COL26A1: variants seen among roughly 807,000 people sequenced by gnomAD.
COL26A1 encodes collagen type XXVI alpha 1 chain, also known as collagen alpha-1(XXVI) chain.
In COL26A1, 41 loss-of-function variants were observed where a neutral mutation model predicts 59.3. The observed-to-expected ratio is 0.69, with a 90% CI of 0.54 to 0.90. The LOEUF is 0.90. COL26A1 is among the 40% of genes least tolerant of loss of function. The probability of loss-of-function intolerance (pLI) is 0.00; values close to 1 mark genes in which losing one functional copy is unlikely to be tolerated. For missense variants in COL26A1, 612 were observed against 602.3 expected (o/e 1.02, Z -0.17); for synonymous variants, 266 against 256.0 (o/e 1.04, Z -0.37).
intron 2 of COL26A1, among the ~76,000 whole-genome samples, chr7:101,446,863 AAG>A (rs113417824): frequency 2.0e-5 from 3 of 151,358 alleles, no homozygotes; most frequent in South Asian, 4.2e-4. Flanking sequence ...AAAAAAAAAA[AAG>A]AGAGAGAGAG....
intron 3 of COL26A1, among the ~76,000 whole-genome samples, chr7:101,488,375 TATAC>T (rs759428441): frequency 0.19 from 16,730 of 86,914 alleles, 1,100 homozygotes; most frequent in African/African-American, 0.29. Flanking sequence ...TATATATATA[TATAC>T]ACACACATTT....
At chr7:101,551,028 C>A (rs1211580393) in intron 9 of COL26A1, 80 bp from the exon 10 acceptor site, 9 of 1,424,396 alleles carry the variant, frequency 6.3e-6, no homozygotes, top group African/African-American at 1.4e-5. Context: ...GCACAGTGGG[C>A]GGGGAGGGGG....
chr7:101,443,876 T>C (rs892478274), intron 2 of COL26A1, among the ~76,000 whole-genome samples: 2 of 149,750 alleles, frequency 1.3e-5, no homozygotes, highest in African/African-American at 2.5e-5. Context: ...TCTTTTCTTT[T>C]TTTTTTTTTT....
intron 1 of COL26A1, among the ~76,000 whole-genome samples, chr7:101,384,980 C>T (rs1257118050): frequency 3.3e-5 from 5 of 152,180 alleles, no homozygotes; most frequent in Admixed American, 6.5e-5. Context: ...CAGGAAGCTT[C>T]CAGCACGGGA....
intron 2 of COL26A1, among the ~76,000 whole-genome samples, chr7:101,427,341 G>A (rs1270383649): frequency 2.0e-5 from 3 of 152,136 alleles, no homozygotes; most frequent in Non-Finnish European, 4.4e-5. Context: ...GGGACTACAG[G>A]TGTGTGCCAC....
At chr7:101,410,122 T>C (rs921651643) in intron 1 of COL26A1, among the ~76,000 whole-genome samples, 1 of 151,942 alleles carries the variant, frequency 6.6e-6, no homozygotes, top group Non-Finnish European at 1.5e-5. Context: ...TGCTACTGAT[T>C]GGTTGGGCAT....
At chr7:101,510,027 C>T (rs866380878) in intron 3 of COL26A1, among the ~76,000 whole-genome samples, 17 of 122,296 alleles carry the variant, frequency 1.4e-4, no homozygotes, top group African/African-American at 6.5e-4. Context: ...CGCGCCCAGT[C>T]TTTTTTTTTT....
intron 1 of COL26A1, among the ~76,000 whole-genome samples, chr7:101,375,841 C>T (rs1791301707): frequency 6.6e-6 from 1 of 151,546 alleles, no homozygotes; most frequent in South Asian, 2.1e-4. Context: ...AAAAAATTGG[C>T]TGGGTGTGGT....
chr7:101,555,784 C>T lies in COL26A1; in HGVS notation c.1081-3C>T. On this transcript the variant is annotated splice_polypyrimidine_tract_variant and splice_region_variant and intron_variant, in intron 11 of 12. Coordinates refer to ENST00000313669, the MANE Select transcript of COL26A1 (RefSeq NM_001278563.3). Reference sequence around the variant, plus strand: ...CTGACCCTGCCTGTTTCCTCCCCGCCAGGGCGAGGGGGTGCAGCAGCTGAG... The same window carrying T: ...CTGACCCTGCCTGTTTCCTCCCCGCTAGGGCGAGGGGGTGCAGCAGCTGAG... 6.2e-7 allele frequency: 1 copy of T among 1,607,342 alleles called. No homozygotes were observed. The highest frequency in any genetic ancestry group is 2.2e-5 in the East Asian group (1 of 44,712).
At chr7:101,549,459 C>A (rs1393146804) in intron 9 of COL26A1, among the ~76,000 whole-genome samples, 2 of 152,220 alleles carry the variant, frequency 1.3e-5, no homozygotes, top group African/African-American at 2.4e-5. Flanking sequence ...TCAGCTCATG[C>A]AACCTCCACC....
At chr7:101,450,726 A>C (rs966178101) in intron 3 of COL26A1, among the ~76,000 whole-genome samples, 3 of 148,036 alleles carry the variant, frequency 2.0e-5, no homozygotes, top group Non-Finnish European at 4.5e-5. Flanking sequence ...AGAATTATTG[A>C]ATTATTTATA....
At chr7:101,397,349 TTTCC>T (rs72039447) in intron 1 of COL26A1, among the ~76,000 whole-genome samples, 18,036 of 151,558 alleles carry the variant, frequency 0.12, 1,122 homozygotes, top group East Asian at 0.17. Context: ...ATTGCTTTCT[TTTCC>T]TTCCTTCCTT....
chr7:101,552,736 G>A (rs188350255), intron 10 of COL26A1, among the ~76,000 whole-genome samples: 15 of 152,094 alleles, frequency 9.9e-5, no homozygotes, highest in Admixed American at 3.3e-4. Context: ...GTGAAACCCC[G>A]TCTCTACTAC....
At chr7:101,428,926 CT>C (rs530948608) in intron 2 of COL26A1, among the ~76,000 whole-genome samples, 2,159 of 142,658 alleles carry the variant, frequency 0.015, 54 homozygotes, top group African/African-American at 0.05. Flanking sequence ...TTCTTTCTTT[CT>C]TTTTTTTTTT....
At chr7:101,441,240 T>G (rs1471026735) in intron 2 of COL26A1, among the ~76,000 whole-genome samples, 1 of 152,188 alleles carries the variant, frequency 6.6e-6, no homozygotes, top group Non-Finnish European at 1.5e-5. Flanking sequence ...CTGGGAATAA[T>G]GGCCTCTGTT....
intron 1 of COL26A1, among the ~76,000 whole-genome samples, chr7:101,386,852 C>T (rs767140697): frequency 9.9e-5 from 15 of 152,160 alleles, no homozygotes; most frequent in Non-Finnish European, 2.1e-4. Context: ...GCTCAATATT[C>T]TGTACTGGAA....
intron 2 of COL26A1, among the ~76,000 whole-genome samples, chr7:101,430,038 T>C (rs778209013): frequency 1.3e-5 from 2 of 152,166 alleles, no homozygotes; most frequent in Non-Finnish European, 2.9e-5. Flanking sequence ...TTGGGGAGAA[T>C]TGGTATTTTT....
chr7:101,502,340 T>TCAAACAACAACAACAA (rs1412843519), intron 3 of COL26A1, among the ~76,000 whole-genome samples: 2 of 152,040 alleles, frequency 1.3e-5, no homozygotes, highest in Non-Finnish European at 2.9e-5. Context: ...AGACTCAGTC[T>TCAAACAACAACAACAA]CAAACAACAA....
intron 1 of COL26A1, among the ~76,000 whole-genome samples, chr7:101,364,049 G>A (rs1790980440): frequency 6.6e-6 from 1 of 152,124 alleles, no homozygotes; most frequent in Non-Finnish European, 1.5e-5. Context: ...GTTGGAGAGG[G>A]CGCAGGGTCA....
Sources: allele counts gnomAD v4.1 joint callset (sites outside exome capture counted in the v4.1 genomes callset), GRCh38; gene constraint gnomAD v4.1.1; transcripts MANE v1.5; gene names NCBI Gene and HGNC (gene_info 2026-07-23, HGNC 2026-07-21).